The following THUMPD2 variants were observed in gnomAD, a reference collection of about 807,000 sequenced individuals.
The protein encoded by THUMPD2 is THUMP domain 2 tRNA and snRNA guanosine methyltransferase.
THUMPD2 carries 56 observed loss-of-function variants against 49.4 expected under a neutral mutation model. The ratio of observed to expected loss-of-function variants is 1.13; its 90% CI spans 0.91 to 1.41. The LOEUF is 1.41. Among genes scored for constraint, THUMPD2 ranks in the 40% most tolerant of loss-of-function variants. The pLI, the probability that THUMPD2 is intolerant of heterozygous loss-of-function variation, is 0.00. For missense variants in THUMPD2, 709 were observed against 594.5 expected, an observed-to-expected ratio of 1.19 and a Z score of -2.00; for synonymous variants, 237 against 205.2, an observed-to-expected ratio of 1.15 and a Z score of -1.32.
chr2:39,768,847 G>T, intron 3 of THUMPD2: 1 of 1,190,900 alleles, frequency 8.4e-7, no homozygotes. Context: ...AACTATGTCA[G>T]CTACTATAAG....
chr2:39,762,939 T>C (rs1016054995), intron 5 of THUMPD2, among the ~76,000 whole-genome samples: 1 of 151,966 alleles, frequency 6.6e-6, no homozygotes, highest in African/African-American at 2.4e-5. Flanking sequence ...CATAATTCTA[T>C]TAATATTTGA....
rs1674216053 is a variant in THUMPD2, at chr2:39,743,736, G to A, written c.1187+634C>T. 2.6e-5 allele frequency among the ~76,000 whole-genome samples: 4 copies of A among 152,136 alleles called. No individual in the cohort carries two copies. The South Asian group carries it at 8.3e-4, about 32-fold the overall frequency. ...CTGCCATGACTAGAAGCAGCCTGGG[G>A]CCCTCATCACAAACTGAGCAGATAG... is the stretch of plus-strand genomic sequence containing the variant. On this transcript the variant is annotated intron_variant, in intron 9 of 9. Transcript: ENST00000505747.
At chr2:39,760,754 T>A (rs1418321860) in intron 6 of THUMPD2, among the ~76,000 whole-genome samples, 3 of 151,996 alleles carry the variant, frequency 2.0e-5, no homozygotes, top group Admixed American at 2.0e-4. Context: ...TAAAGAGGAC[T>A]TAAGTAACAA....
At chr2:39,765,496 G>T (rs1182195382) in intron 5 of THUMPD2, among the ~76,000 whole-genome samples, 5 of 151,060 alleles carry the variant, frequency 3.3e-5, no homozygotes, top group African/African-American at 7.3e-5. Context: ...TCACTTTTTG[G>T]GGGTCAAAGT....
chr2:39,745,613 A>G (rs1473957040), intron 8 of THUMPD2, among the ~76,000 whole-genome samples: 1 of 152,174 alleles, frequency 6.6e-6, no homozygotes, highest in Non-Finnish European at 1.5e-5. Context: ...TTTAATCCCA[A>G]GTCTTTCTTT....
intron 1 of THUMPD2, among the ~76,000 whole-genome samples, chr2:39,774,931 A>G (rs1678873140): frequency 1.3e-5 from 2 of 152,230 alleles, no homozygotes; most frequent in South Asian, 2.1e-4. Flanking sequence ...ATATCTAAAC[A>G]GCATTTTTCC....
intron 3 of THUMPD2, chr2:39,769,000 T>A (rs1231787724): frequency 7.7e-7 from 1 of 1,304,676 alleles, no homozygotes. Flanking sequence ...GGTCTGGTGA[T>A]GGCAACAGTT....
intron 9 of THUMPD2, among the ~76,000 whole-genome samples, chr2:39,740,889 T>G (rs1334053913): frequency 6.6e-6 from 1 of 152,016 alleles, no homozygotes; most frequent in African/African-American, 2.4e-5. Context: ...AATTTTTTAT[T>G]TATTTAGAGA....
chr2:39,741,784 T>G (rs2148174521), intron 9 of THUMPD2, among the ~76,000 whole-genome samples: 1 of 152,292 alleles, frequency 6.6e-6, no homozygotes, highest in East Asian at 1.9e-4. Context: ...TGAACAGGTT[T>G]GTTGTATTTT....
chr2:39,773,332 A>G (rs982831326), intron 1 of THUMPD2, among the ~76,000 whole-genome samples: 7 of 152,066 alleles, frequency 4.6e-5, no homozygotes, highest in Admixed American at 3.9e-4. Flanking sequence ...AACGAACTAA[A>G]TATTTTACTG....
Position 39,763,564 on chromosome 2 carries a change from AG to A in THUMPD2, c.804-2147del, listed in dbSNP as rs550200637. Among the ~76,000 whole-genome samples, 9 of 152,300 alleles carry A rather than the reference AG, an allele frequency of 5.9e-5. No individual in the cohort carries two copies. In the East Asian group the frequency reaches 1.7e-3, roughly 29 times the overall value. On this transcript the variant is annotated intron_variant, in intron 5 of 9. Transcript: ENST00000505747. ...CCAGTATTTACTAATTGTTCAAATC[AG>A]AAATCTGAAATTATTCTAGACTCCT...
At position 39,761,456 on chromosome 2, in the gene THUMPD2, T is replaced by C. The variant is rs768836376; in HGVS notation, c.804-38A>G. 47 of 1,562,878 alleles carry C rather than the reference T, an allele frequency of 3.0e-5. No homozygotes were observed. The Middle Eastern group carries it at 1.0e-3, about 33-fold the overall frequency. ...GAATCTGATTATATATTATTACACA[T>C]TGAACAACAAGATATAAAAATGATT... is the stretch of plus-strand genomic sequence containing the variant. On this transcript the variant is annotated intron_variant, in intron 5 of 9. Transcript: ENST00000505747.
At chr2:39,753,001 TCTC>T (rs1010152489) in intron 8 of THUMPD2, among the ~76,000 whole-genome samples, 71 of 152,144 alleles carry the variant, frequency 4.7e-4, no homozygotes, top group African/African-American at 1.5e-3. Context: ...GACAAGCAAT[TCTC>T]CTCCTTCCTC....
intron 8 of THUMPD2, among the ~76,000 whole-genome samples, chr2:39,747,558 T>C (rs1248054946): frequency 1.3e-5 from 2 of 152,190 alleles, no homozygotes; most frequent in Middle Eastern, 3.2e-3. Flanking sequence ...GAAAATTATA[T>C]GCTTTGAAAT....
At chr2:39,742,469 G>A (rs1441548793) in intron 9 of THUMPD2, among the ~76,000 whole-genome samples, 1 of 152,150 alleles carries the variant, frequency 6.6e-6, no homozygotes, top group Non-Finnish European at 1.5e-5. Context: ...GAGAAAGTCA[G>A]GCTGGTATAA....
At chr2:39,754,594 G>C (rs1251287729) in intron 8 of THUMPD2, among the ~76,000 whole-genome samples, 1 of 152,172 alleles carries the variant, frequency 6.6e-6, no homozygotes, top group Non-Finnish European at 1.5e-5. Context: ...ATTTAAGGGA[G>C]AGACATATAC....
chr2:39,775,458 T>C (rs978243223), intron 1 of THUMPD2, among the ~76,000 whole-genome samples: 1 of 152,120 alleles, frequency 6.6e-6, no homozygotes, highest in Non-Finnish European at 1.5e-5. Context: ...TTCAAAAATA[T>C]GTTTCACTTA....
chr2:39,748,424 C>T (rs912249913), intron 8 of THUMPD2, among the ~76,000 whole-genome samples: 5 of 152,142 alleles, frequency 3.3e-5, no homozygotes, highest in Admixed American at 2.0e-4. Flanking sequence ...AAAAGAAGGC[C>T]GGGTACGGTG....
At chr2:39,740,420 G>A (rs1207327777) in intron 9 of THUMPD2, among the ~76,000 whole-genome samples, 3 of 152,162 alleles carry the variant, frequency 2.0e-5, no homozygotes, top group Admixed American at 2.0e-4. Context: ...TTTATGTAGA[G>A]TAGTAAACAT....
Sources: gnomAD v4.1 joint callset for allele counts (sites outside exome capture counted in the v4.1 genomes callset) on GRCh38, gnomAD v4.1.1 for gene constraint, MANE v1.5 for transcripts, NCBI Gene and HGNC (gene_info 2026-07-23, HGNC 2026-07-21) for gene names.